Variants in IFT43 observed in about 807,000 individuals in gnomAD.
IFT43 encodes intraflagellar transport protein 43 homolog.
A neutral mutation model predicts 32.3 loss-of-function variants in IFT43; 33 were observed. That is an observed-to-expected ratio of 1.02 (90% CI 0.77 to 1.37). The LOEUF (loss-of-function observed/expected upper bound fraction) is 1.37. IFT43 is among the 40% of genes most tolerant of loss of function. IFT43 has a pLI of 0.00. For synonymous variants in IFT43, 93 were observed against 98.2 expected, an observed-to-expected ratio of 0.95 and a Z score of 0.31; for missense variants, 274 against 265.9, an observed-to-expected ratio of 1.03 and a Z score of -0.21.
chr14:76,063,054 C>G (rs1366522693), intron 5 of IFT43, among the ~76,000 whole-genome samples: 3 of 151,774 alleles, frequency 2.0e-5, no homozygotes, highest in African/African-American at 7.3e-5. Context: ...TGTTTCAAAG[C>G]TTCATTAGGG....
chr14:75,988,273 G>C (rs537944387), intron 1 of IFT43, among the ~76,000 whole-genome samples: 1 of 152,154 alleles, frequency 6.6e-6, no homozygotes, highest in African/African-American at 2.4e-5. Context: ...CAGCTACTCA[G>C]GAGGGCAAGG....
chr14:76,010,629 A>C (rs1486344700), intron 2 of IFT43, among the ~76,000 whole-genome samples: 1 of 152,000 alleles, frequency 6.6e-6, no homozygotes, highest in East Asian at 1.9e-4. Flanking sequence ...GAATTATTTC[A>C]AAGCAAATTA....
chr14:76,001,642 C>T (rs2035887552), intron 2 of IFT43, among the ~76,000 whole-genome samples: 1 of 152,292 alleles, frequency 6.6e-6, no homozygotes, highest in African/African-American at 2.4e-5. Flanking sequence ...TTGATCCAGG[C>T]TTTAGGGGGT....
chr14:76,048,476 G>A (rs769361478), intron 3 of IFT43, among the ~76,000 whole-genome samples: 4 of 152,068 alleles, frequency 2.6e-5, no homozygotes, highest in Non-Finnish European at 1.5e-5. Context: ...TGATGGATTC[G>A]GTCTCTCAAA....
At chr14:76,070,103 A>C (rs2037293463) in intron 5 of IFT43, among the ~76,000 whole-genome samples, 1 of 152,220 alleles carries the variant, frequency 6.6e-6, no homozygotes. Flanking sequence ...TCAATTTTCT[A>C]TCCATGTCAA....
intron 4 of IFT43, 125 bp from the exon 5 acceptor site, chr14:76,059,202 A>G (rs1173381149): frequency 6.2e-7 from 1 of 1,600,858 alleles, no homozygotes; most frequent in Non-Finnish European, 8.5e-7. Context: ...CTAAGTTGAC[A>G]GAGAAAAACA....
chr14:76,074,743 T>A (rs941987714), intron 5 of IFT43, among the ~76,000 whole-genome samples: 1 of 152,190 alleles, frequency 6.6e-6, no homozygotes, highest in Admixed American at 6.5e-5. Context: ...GGTCCAGCAT[T>A]CATACACCAT....
At chr14:76,022,588 A>G (rs746790828) in intron 3 of IFT43, 194 bp downstream of exon 3, 60 of 422,594 alleles carry the variant, frequency 1.4e-4, no homozygotes, top group Non-Finnish European at 1.4e-4. Flanking sequence ...AACACAATCA[A>G]TTTTACAACA....
chr14:76,066,443 G>A (rs1296351259), intron 5 of IFT43, among the ~76,000 whole-genome samples: 4 of 152,128 alleles, frequency 2.6e-5, no homozygotes, highest in African/African-American at 4.8e-5. Context: ...CTTCACACTC[G>A]ACTTAGTCCA....
intron 2 of IFT43, among the ~76,000 whole-genome samples, chr14:76,002,374 G>T (rs930743464): frequency 3.3e-5 from 5 of 152,108 alleles, no homozygotes; most frequent in Admixed American, 3.3e-4. Flanking sequence ...TAAGGGGGGG[G>T]GTGGCATGAT....
chr14:75,998,958 C>G (rs2139887374), intron 2 of IFT43, among the ~76,000 whole-genome samples: 1 of 152,178 alleles, frequency 6.6e-6, no homozygotes, highest in East Asian at 1.9e-4. Flanking sequence ...TGACCTTGAA[C>G]TCCTGGCTTC....
chr14:76,015,808 A>G lies in IFT43; in HGVS notation c.148-6519A>G, dbSNP rs563398930. 2.6e-5 allele frequency among the ~76,000 whole-genome samples: 4 copies of G among 152,354 alleles called. No homozygotes were observed. The East Asian group carries it at 5.8e-4, about 22-fold the overall frequency. The stretch of plus-strand genomic sequence containing the variant: ...GGGTTTTAGACTCTTAGGGAATGCT[A>G]TTAACCATTTGATATCCGTTAGTAA... On this transcript the variant is annotated intron_variant, in intron 2 of 8. Transcript: ENST00000314067.
At chr14:75,997,882 T>A (rs893998629) in intron 2 of IFT43, among the ~76,000 whole-genome samples, 23 of 151,978 alleles carry the variant, frequency 1.5e-4, no homozygotes, top group Admixed American at 3.9e-4. Flanking sequence ...GCTAGAGTGG[T>A]CTTGTAAAAA....
At chr14:76,072,172 T>C (rs1299003207) in intron 5 of IFT43, among the ~76,000 whole-genome samples, 2 of 152,154 alleles carry the variant, frequency 1.3e-5, no homozygotes, top group Non-Finnish European at 2.9e-5. Context: ...CTTTTTTCCA[T>C]CAAATCCATG....
chr14:76,027,503 A>G (rs2036424189), intron 3 of IFT43, among the ~76,000 whole-genome samples: 1 of 152,046 alleles, frequency 6.6e-6, no homozygotes, highest in South Asian at 2.1e-4. Context: ...AGGTCAGGAG[A>G]TCGAGACCAT....
At position 76,072,998 on chromosome 14, in the gene IFT43, A is replaced by G. The variant is rs1027738116; in HGVS notation, c.296-9297A>G. 2.0e-5 allele frequency among the ~76,000 whole-genome samples: 3 copies of G among 152,162 alleles called. No individual in the cohort carries two copies. The South Asian group carries it at 6.2e-4, about 31-fold the overall frequency. ...GATGCGAGCAGGAGAGTGGCCTTAGATGGATGAGGACCACTGCCCAGGGAG... is the reference window on the plus strand; with the variant it reads ...GATGCGAGCAGGAGAGTGGCCTTAGGTGGATGAGGACCACTGCCCAGGGAG... On this transcript the variant is annotated intron_variant, in intron 5 of 8. Coordinates refer to ENST00000314067, the MANE Select transcript of IFT43 (RefSeq NM_001102564.3).
intron 5 of IFT43, among the ~76,000 whole-genome samples, chr14:76,081,860 ATCCGCTTTGTGACACTACATGTTCTCAGT>A (rs543172175): frequency 2.1e-4 from 32 of 152,298 alleles, no homozygotes; most frequent in African/African-American, 7.7e-4. Flanking sequence ...TCACTGCGGC[ATCCGCTTTGTGACACTACATGTTCTCAGT>A]TCCTCTGTCT....
chr14:76,071,903 G>A (rs1169002211), intron 5 of IFT43, among the ~76,000 whole-genome samples: 1 of 151,968 alleles, frequency 6.6e-6, no homozygotes, highest in African/African-American at 2.4e-5. Context: ...TGGTCTTTGT[G>A]TCTCCTAACC....
At chr14:76,054,256 G>C (rs116117950) in intron 3 of IFT43, among the ~76,000 whole-genome samples, 1,650 of 152,288 alleles carry the variant, frequency 0.011, 26 homozygotes, top group African/African-American at 0.038. Flanking sequence ...TAATTTAAAA[G>C]ATTCTCTCCA....
Sources: allele counts gnomAD v4.1 joint callset (sites outside exome capture counted in the v4.1 genomes callset), GRCh38; gene constraint gnomAD v4.1.1; transcripts MANE v1.5; gene names NCBI Gene and HGNC (gene_info 2026-07-23, HGNC 2026-07-21).